The following ANK3 variants were observed in gnomAD, a reference collection of about 807,000 sequenced individuals.
ANK3 encodes ankyrin 3, also known as ankyrin-3.
ANK3 carries 57 observed loss-of-function variants against 370.9 expected under a neutral mutation model. The ratio of observed to expected loss-of-function variants is 0.15; its 90% CI spans 0.12 to 0.19. The LOEUF is 0.19. Ranked by LOEUF, ANK3 falls within the 10% of genes least tolerant of loss-of-function variation. The probability of loss-of-function intolerance (pLI) is 1.00; values close to 1 mark genes in which losing one functional copy is unlikely to be tolerated. For synonymous variants in ANK3, 1,929 were observed against 1,946.3 expected, an observed-to-expected ratio of 0.99 and a Z score of 0.23; for missense variants, 4,439 against 5,302.1, an observed-to-expected ratio of 0.84 and a Z score of 5.06.
rs1451205274 is a variant in ANK3 at position 60,718,986 on chromosome 10, G to GAAAAA, written c.57+14276_57+14277insTTTTT. Among the ~76,000 whole-genome samples the GAAAAA allele has an allele frequency of 2.0e-5, 3 of 152,174 alleles. No individual in the cohort carries two copies. In the South Asian group the frequency reaches 6.2e-4, roughly 32 times the overall value. ...TTTTAATATATCAAACTATACAGCA[G>GAAAAA]AAAGAAAAGCTAATAAATCTTCCTC... is the stretch of plus-strand genomic sequence containing the variant. On this transcript the variant is annotated intron_variant, in intron 1 of 43. Transcript: ENST00000373827.
rs748542017 is a variant in ANK3 at position 60,073,044 on chromosome 10, C to G, written c.7837G>C (p.Ala2613Pro). 16 of 1,614,100 alleles carry G rather than the reference C, an allele frequency of 9.9e-6. No individual in the cohort carries two copies. In the East Asian group the frequency reaches 1.1e-4, roughly 11 times the overall value. The change falls in exon 37 of 44, where the codon GCA (alanine) becomes CCA (proline). Residue 2613 changes from alanine to proline, a missense_variant. By Grantham distance (27) the Ala-to-Pro change is conservative. Coordinates refer to ENST00000280772, the MANE Select transcript of ANK3 (RefSeq NM_020987.5). ...TATTCTTTGCCATTTTTAGGGCGTG[C>G]CTTTTTCTCTGGGGACTGCAGTTCA... The part of the protein sequence containing the change: ...NDELQSPEKK[A>P]RPKNGKEYSS...
rs377485761 is a variant in ANK3, at chr10:60,074,309, G to A, written c.6572C>T (p.Pro2191Leu). 4.3e-6 allele frequency: 7 copies of A among 1,613,948 alleles called. No homozygotes were observed. The African/African-American group carries it at 5.3e-5, about 12-fold the overall frequency. The change falls in exon 37 of 44, where the codon CCT (proline) becomes CTT (leucine). Residue 2191 changes from proline (P) to leucine (L), a missense_variant. Pro to Leu is a moderately conservative substitution (Grantham distance 98, BLOSUM62 -3). Coordinates refer to ENST00000280772, the MANE Select transcript of ANK3 (RefSeq NM_020987.5). ...AGTAGGTGAAGGTTTAGGTGACACA[G>A]GCTCCTCTGGTTGGGTCTGGGGAAC... Reference protein sequence around the residue: ...GDVPQTQPEEPVSPKPSPTFM... With the variant: ...GDVPQTQPEELVSPKPSPTFM...
chr10:60,395,708 C>T (rs187538952), intron 2 of ANK3, among the ~76,000 whole-genome samples: 2 of 151,278 alleles, frequency 1.3e-5, no homozygotes, highest in East Asian at 1.9e-4. Context: ...GCACTTGTGC[C>T]GAAAGAAGCA....
intron 2 of ANK3, among the ~76,000 whole-genome samples, chr10:60,468,255 A>G (rs866586860): frequency 6.6e-6 from 1 of 152,262 alleles, no homozygotes; most frequent in Middle Eastern, 3.4e-3. Flanking sequence ...AAGTGCTGGA[A>G]TTACAGGCAG....
At chr10:60,440,502 T>G (rs935009582) in intron 2 of ANK3, among the ~76,000 whole-genome samples, 1 of 152,044 alleles carries the variant, frequency 6.6e-6, no homozygotes, top group African/African-American at 2.4e-5. Flanking sequence ...TCATGAAAAC[T>G]CATTAACTAT....
At chr10:60,585,200 A>C (rs1319040510) in intron 2 of ANK3, among the ~76,000 whole-genome samples, 1 of 152,136 alleles carries the variant, frequency 6.6e-6, no homozygotes, top group Non-Finnish European at 1.5e-5. Flanking sequence ...CATGCTGGAG[A>C]GTTAGAGAGC....
chr10:60,556,900 G>A (rs1487261371), intron 2 of ANK3, among the ~76,000 whole-genome samples: 1 of 152,212 alleles, frequency 6.6e-6, no homozygotes, highest in African/African-American at 2.4e-5. Context: ...TGTTGGATCA[G>A]CTGCGGCATT....
At chr10:60,598,487 A>G (rs987088319) in intron 2 of ANK3, among the ~76,000 whole-genome samples, 1 of 152,212 alleles carries the variant, frequency 6.6e-6, no homozygotes, top group Non-Finnish European at 1.5e-5. Flanking sequence ...TTCTTTATAC[A>G]GAAAAGATTA....
chr10:60,251,102 T>G (rs1463580069), intron 7 of ANK3, among the ~76,000 whole-genome samples: 3 of 152,240 alleles, frequency 2.0e-5, no homozygotes, highest in East Asian at 1.9e-4. Flanking sequence ...CCACACCTCA[T>G]GAAATTATGA....
At position 60,088,188 on chromosome 10, in the gene ANK3, G is replaced by A; in HGVS notation, c.3499C>T (p.Pro1167Ser). The A allele has an allele frequency of 6.2e-7, 1 of 1,614,136 alleles. No homozygotes were observed. Among genetic ancestry groups the A allele is most frequent in the Non-Finnish European group, 8.5e-7 (1 of 1,180,012 alleles). ...ATTCTTTTAGTTAGGGCACCCTCTG[G>A]GAAAGATGCTTGAACAAGGGGCACT... ...TTVPLVQASF[P>S]EGALTKRIRV... The change falls in exon 29 of 44, where the codon CCA becomes TCA. Residue 1167 changes from proline (P) to serine (S), a missense_variant. Coordinates refer to ENST00000280772, the MANE Select transcript of ANK3 (RefSeq NM_020987.5).
intron 43 of ANK3, among the ~76,000 whole-genome samples, chr10:60,033,536 A>AAAAAAAAAAAAAAAAAC (rs1554812951): frequency 1.0e-5 from 1 of 98,394 alleles, no homozygotes; most frequent in Non-Finnish European, 2.0e-5. Flanking sequence ...AAAAAAAAAA[A>AAAAAAAAAAAAAAAAAC]AAACTTGGAA....
chr10:60,044,094 C>G, intron 42 of ANK3: 1 of 985,650 alleles, frequency 1.0e-6, no homozygotes, highest in Non-Finnish European at 1.2e-6. Context: ...CGTTTTCTCT[C>G]TTGTGGGATA....
chr10:60,626,848 CAA>C (rs1244520866), intron 1 of ANK3, among the ~76,000 whole-genome samples: 1 of 152,116 alleles, frequency 6.6e-6, no homozygotes, highest in African/African-American at 2.4e-5. Flanking sequence ...GTATAATACT[CAA>C]GTTGAAATAC....
chr10:60,135,165 C>T (rs1307164278), intron 24 of ANK3, among the ~76,000 whole-genome samples: 5 of 152,172 alleles, frequency 3.3e-5, no homozygotes, highest in East Asian at 1.9e-4. Flanking sequence ...ATGTCACTCT[C>T]GTGACCTTGC....
intron 1 of ANK3, among the ~76,000 whole-genome samples, chr10:60,381,578 C>A (rs2061552827): frequency 6.6e-6 from 1 of 152,092 alleles, no homozygotes; most frequent in African/African-American, 2.4e-5. Context: ...TTATAAGGTG[C>A]AAAAGTTGTT....
At chr10:60,591,074 T>C (rs2077903211) in intron 2 of ANK3, among the ~76,000 whole-genome samples, 1 of 151,886 alleles carries the variant, frequency 6.6e-6, no homozygotes, top group African/African-American at 2.4e-5. Context: ...AACACAGGGG[T>C]AGCAGCAGGT....
chr10:60,354,856 GA>G (rs2057475152), intron 1 of ANK3, among the ~76,000 whole-genome samples: 1 of 151,948 alleles, frequency 6.6e-6, no homozygotes, highest in African/African-American at 2.4e-5. Context: ...TTAAATATAA[GA>G]AAAATTTTCT....
chr10:60,248,029 G>A (rs2097583122), intron 7 of ANK3, among the ~76,000 whole-genome samples: 1 of 152,168 alleles, frequency 6.6e-6, no homozygotes, highest in Non-Finnish European at 1.5e-5. Flanking sequence ...CCTTTTTAAG[G>A]CTGAGGAATG....
At chr10:60,309,309 A>G (rs1042841780) in intron 1 of ANK3, among the ~76,000 whole-genome samples, 1 of 152,212 alleles carries the variant, frequency 6.6e-6, no homozygotes, top group Non-Finnish European at 1.5e-5. Flanking sequence ...TCATTATTTC[A>G]TATGTTCTTG....
Sources: allele counts gnomAD v4.1 joint callset (sites outside exome capture counted in the v4.1 genomes callset), GRCh38; gene constraint gnomAD v4.1.1; transcripts MANE v1.5; gene names NCBI Gene and HGNC (gene_info 2026-07-23, HGNC 2026-07-21).